The following OMA1 variants were observed in gnomAD, a reference collection of about 807,000 sequenced individuals.
The protein encoded by OMA1 is OMA1 zinc metallopeptidase, also known as metalloendopeptidase OMA1, mitochondrial.
A neutral mutation model predicts 30.9 loss-of-function variants in OMA1; 38 were observed. The ratio of observed to expected loss-of-function variants is 1.23; its 90% CI spans 0.95 to 1.61. OMA1 has a LOEUF of 1.61. OMA1 is among the 40% of genes most tolerant of loss of function. The pLI is 0.00. For missense variants in OMA1, 461 were observed against 349.2 expected (o/e 1.32, Z -2.55); for synonymous variants, 173 against 121.9 (o/e 1.42, Z -2.76).
intron 7 of OMA1, among the ~76,000 whole-genome samples, chr1:58,523,102 T>C (rs1299571988): frequency 6.6e-6 from 1 of 152,246 alleles, no homozygotes; most frequent in African/African-American, 2.4e-5. Context: ...CTTTTCTACC[T>C]GGCACCATTT....
At chr1:58,486,914 G>A (rs775201810) in intron 8 of OMA1, among the ~76,000 whole-genome samples, 1 of 152,232 alleles carries the variant, frequency 6.6e-6, no homozygotes, top group Non-Finnish European at 1.5e-5. Flanking sequence ...GGGGCATGTG[G>A]TGAAGTTGGA....
intron 7 of OMA1, among the ~76,000 whole-genome samples, chr1:58,508,107 A>G (rs894632535): frequency 1.3e-5 from 2 of 152,194 alleles, no homozygotes; most frequent in African/African-American, 2.4e-5. Context: ...TGATATGCAG[A>G]AATAGAAAAA....
At chr1:58,524,568 C>T (rs1180012385) in intron 7 of OMA1, among the ~76,000 whole-genome samples, 2 of 152,204 alleles carry the variant, frequency 1.3e-5, no homozygotes, top group Non-Finnish European at 2.9e-5. Flanking sequence ...GCAAGGTTTT[C>T]ATGCTTGCTG....
At chr1:58,541,900 T>C (rs1201833658) in intron 1 of OMA1, among the ~76,000 whole-genome samples, 3 of 152,190 alleles carry the variant, frequency 2.0e-5, no homozygotes, top group African/African-American at 4.8e-5. Flanking sequence ...GATAGTTACA[T>C]ATGTGTTCCT....
At chr1:58,530,561 C>A in intron 6 of OMA1, 40 bp downstream of exon 6, 1 of 834,374 alleles carries the variant, frequency 1.2e-6, no homozygotes, top group Non-Finnish European at 2.1e-6. Flanking sequence ...ATATCTTCAC[C>A]AGAGGCTATG....
chr1:58,499,171 A>G (rs1215938940), intron 8 of OMA1, among the ~76,000 whole-genome samples: 1 of 151,716 alleles, frequency 6.6e-6, no homozygotes, highest in Non-Finnish European at 1.5e-5. Context: ...TATATATGGA[A>G]TCTAAAAAAG....
intron 1 of OMA1, among the ~76,000 whole-genome samples, chr1:58,541,122 C>T (rs1321577577): frequency 1.3e-5 from 2 of 151,610 alleles, no homozygotes; most frequent in Admixed American, 6.6e-5. Context: ...CGTGAAACCC[C>T]GTCTCTACTA....
At chr1:58,536,924 T>C (rs187815499) in intron 2 of OMA1, among the ~76,000 whole-genome samples, 183 bp from the exon 3 acceptor site, 268 of 152,330 alleles carry the variant, frequency 1.8e-3, no homozygotes, top group African/African-American at 6.2e-3. Flanking sequence ...TAATCAATGA[T>C]GTAAAGTTAC....
intron 8 of OMA1, among the ~76,000 whole-genome samples, chr1:58,483,647 A>G (rs772727335): frequency 2.6e-5 from 4 of 152,230 alleles, no homozygotes; most frequent in African/African-American, 4.8e-5. Context: ...ATGTTTCCCA[A>G]CTATAGCACT....
At chr1:58,508,380 T>G (rs76635821) in intron 7 of OMA1, among the ~76,000 whole-genome samples, 3 of 152,182 alleles carry the variant, frequency 2.0e-5, no homozygotes, top group African/African-American at 7.2e-5. Context: ...CTTCCCCACA[T>G]GAACACACTG....
intron 7 of OMA1, among the ~76,000 whole-genome samples, chr1:58,520,201 C>T (rs1488502592): frequency 6.6e-6 from 1 of 152,008 alleles, no homozygotes; most frequent in Non-Finnish European, 1.5e-5. Flanking sequence ...TAGCAACGTG[C>T]AATTTACCCA....
At position 58,481,084 on chromosome 1, in the gene OMA1, CA is replaced by C. The variant is rs763235287; in HGVS notation, c.1455del (p.Glu486LysfsTer8). 2 of 871,856 alleles carry C rather than the reference CA, an allele frequency of 2.3e-6. No individual in the cohort carries two copies. The highest frequency in any genetic ancestry group is 2.0e-6 in the Non-Finnish European group (1 of 501,210). 54.0% of individuals were successfully genotyped at this position (871,856 alleles called of 1,614,324 possible). On this transcript the variant is annotated frameshift_variant, in exon 9 of 9. Transcript: ENST00000371226. LOFTEE classifies it high-confidence loss of function. ...LLFKLSTKHF[L>X]EESEKEDLNI... ...TTTAGGTCTTCTTTCTCTGATTCTT[CA>C]AGAAAATGCTTCGTGCTGAGTTTGA...
Position 58,495,540 on chromosome 1 carries a change from A to G in OMA1, c.1365+10520T>C, listed in dbSNP as rs550217594. 7.9e-5 allele frequency among the ~76,000 whole-genome samples: 12 copies of G among 151,966 alleles called. No individual in the cohort carries two copies. In the South Asian group the frequency reaches 2.5e-3, roughly 32 times the overall value. On this transcript the variant is annotated intron_variant, in intron 8 of 8. Coordinates refer to ENST00000371226, the MANE Select transcript of OMA1 (RefSeq NM_145243.5). ...TTACTTGATCTGTGGTTTTCTAACA[A>G]TGGCAGGGTGCAAGCTAGTTACAAT...
chr1:58,510,735 CA>C (rs892401056), intron 7 of OMA1, among the ~76,000 whole-genome samples: 26 of 150,094 alleles, frequency 1.7e-4, no homozygotes, highest in African/African-American at 4.4e-4. Flanking sequence ...TCCACACACA[CA>C]AAAAAAAACC....
At chr1:58,497,254 C>T (rs1171784891) in intron 8 of OMA1, among the ~76,000 whole-genome samples, 1 of 152,064 alleles carries the variant, frequency 6.6e-6, no homozygotes, top group Non-Finnish European at 1.5e-5. Flanking sequence ...GGGTACTGTC[C>T]TAAAGTCAAA....
Position 58,538,917 on chromosome 1 carries a change from G to C in OMA1, c.378C>G (p.Ser126Arg), listed in dbSNP as rs781626783. ...TCCTAATAGCTCTTATGGAAGCAGGGCTTAGAGGATGCAATACTGACAGAC... is the reference window on the plus strand; with the variant it reads ...TCCTAATAGCTCTTATGGAAGCAGGCCTTAGAGGATGCAATACTGACAGAC... ...VPSLSVLHPL[S>R]PASIRAIRNF... The change falls in exon 2 of 9, where the codon AGC becomes AGG. Residue 126 changes from serine to arginine, a missense_variant. Coordinates refer to ENST00000371226, the MANE Select transcript of OMA1 (RefSeq NM_145243.5). 1.5e-5 allele frequency: 13 copies of C among 872,742 alleles called. No individual in the cohort carries two copies. In the African/African-American group the frequency reaches 2.1e-4, roughly 14 times the overall value. 54.1% of individuals were successfully genotyped at this position (872,742 alleles called of 1,614,324 possible).
chr1:58,507,689 T>C (rs1249390386), intron 7 of OMA1, among the ~76,000 whole-genome samples: 2 of 152,096 alleles, frequency 1.3e-5, no homozygotes, highest in South Asian at 2.1e-4. Flanking sequence ...GCAAGATGTG[T>C]GTGTGCTTAT....
intron 8 of OMA1, among the ~76,000 whole-genome samples, chr1:58,481,415 G>A (rs548032006): frequency 2.6e-5 from 4 of 152,174 alleles, no homozygotes; most frequent in East Asian, 3.9e-4. Flanking sequence ...TTAATAATCT[G>A]TAACAACTGC....
intron 7 of OMA1, among the ~76,000 whole-genome samples, chr1:58,527,041 G>C (rs1031106852): frequency 1.3e-5 from 2 of 151,958 alleles, no homozygotes; most frequent in African/African-American, 4.8e-5. Flanking sequence ...TCTGTCTAAG[G>C]CATAATACAG....
Sources: gnomAD v4.1 joint callset for allele counts (sites outside exome capture counted in the v4.1 genomes callset) on GRCh38, gnomAD v4.1.1 for gene constraint, MANE v1.5 for transcripts, NCBI Gene and HGNC (gene_info 2026-07-23, HGNC 2026-07-21) for gene names.